RHPN2: variants seen among roughly 807,000 people sequenced by gnomAD.
RHPN2 encodes the protein rhophilin-2.
RHPN2 carries 40 observed loss-of-function variants against 79.0 expected under a neutral mutation model. That is an observed-to-expected ratio of 0.51 (90% confidence interval 0.39 to 0.66). The LOEUF (loss-of-function observed/expected upper bound fraction) is 0.66, where lower values mean the gene tolerates loss of function less well. RHPN2 is among the 30% of genes least tolerant of loss of function. The probability of loss-of-function intolerance (pLI) is 0.00; values close to 1 mark genes in which losing one functional copy is unlikely to be tolerated. For missense variants in RHPN2, 686 were observed against 883.5 expected (o/e 0.78, Z 2.83); for synonymous variants, 285 against 363.5 (o/e 0.78, Z 2.46).
intron 3 of RHPN2, among the ~76,000 whole-genome samples, chr19:33,022,065 C>G (rs1249420224): frequency 1.3e-5 from 2 of 152,120 alleles, no homozygotes; most frequent in East Asian, 3.8e-4. Flanking sequence ...CTCAGCCCCC[C>G]GAGTAACTGG....
At chr19:33,017,152 G>A (rs1971884491) in intron 4 of RHPN2, among the ~76,000 whole-genome samples, 2 of 152,134 alleles carry the variant, frequency 1.3e-5, no homozygotes, top group African/African-American at 2.4e-5. Context: ...GCTGAGGCGG[G>A]TGGATCATCT....
intron 6 of RHPN2, among the ~76,000 whole-genome samples, chr19:33,010,967 G>C (rs900535567): frequency 6.6e-6 from 1 of 152,128 alleles, no homozygotes; most frequent in Non-Finnish European, 1.5e-5. Context: ...ACAGGTGTGA[G>C]CCACTGTACC....
At chr19:33,061,125 G>C (rs1461912214) in intron 1 of RHPN2, among the ~76,000 whole-genome samples, 1 of 152,122 alleles carries the variant, frequency 6.6e-6, no homozygotes, top group Non-Finnish European at 1.5e-5. Context: ...CACACCCTGG[G>C]GGGGCCTACA....
intron 2 of RHPN2, among the ~76,000 whole-genome samples, chr19:33,042,945 G>A (rs1178107842): frequency 6.6e-6 from 1 of 152,074 alleles, no homozygotes; most frequent in African/African-American, 2.4e-5. Flanking sequence ...CGGGCACGGT[G>A]GCGGGCACCT....
At position 32,994,016 on chromosome 19, in the gene RHPN2, C is replaced by G; in HGVS notation, c.1458G>C (p.Gln486His). The part of the protein sequence containing the change: ...TEQEVDIILP[Q>H]FSKLTVTDFF... ...AGTCCGTGACTGTCAGCTTGGAGAA[C>G]TGGGGCAATATAATGTCAACCTCTT... is the stretch of plus-strand genomic sequence containing the variant. Residue 486 changes from glutamine (Q) to histidine (H), a missense_variant, in exon 12 of 15, where the codon CAG becomes CAC. Transcript: ENST00000254260. The G allele has an allele frequency of 1.2e-6, 2 of 1,613,440 alleles. No individual in the cohort carries two copies.
intron 3 of RHPN2, among the ~76,000 whole-genome samples, chr19:33,023,103 A>G (rs1292493747): frequency 1.3e-5 from 2 of 152,128 alleles, no homozygotes; most frequent in Non-Finnish European, 2.9e-5. Flanking sequence ...GACTGTAAAG[A>G]TCAACCATGC....
At chr19:32,983,629 CTT>C (rs558224234) in intron 14 of RHPN2, among the ~76,000 whole-genome samples, 565 of 126,838 alleles carry the variant, frequency 4.5e-3, no homozygotes, top group African/African-American at 9.5e-3. Context: ...TTTTAAAAGC[CTT>C]TTTTTTTTTT....
At chr19:33,052,377 G>A (rs1281400060) in intron 1 of RHPN2, among the ~76,000 whole-genome samples, 10 of 152,210 alleles carry the variant, frequency 6.6e-5, no homozygotes, top group East Asian at 3.8e-4. Flanking sequence ...AGGTTCAGGC[G>A]TAAAACTAAG....
At chr19:33,043,124 C>T (rs954892037) in intron 2 of RHPN2, among the ~76,000 whole-genome samples, 2 of 151,054 alleles carry the variant, frequency 1.3e-5, no homozygotes, top group Non-Finnish European at 2.9e-5. Flanking sequence ...TGCCTGTGGT[C>T]CCAGCTACTC....
chr19:33,002,944 G>A lies in RHPN2; in HGVS notation c.817C>T (p.Pro273Ser). The change falls in exon 8 of 15, where the codon CCT (proline) becomes TCT (serine). Residue 273 changes from proline (P) to serine (S), a missense_variant. Physicochemically the swap from Pro to Ser is moderately conservative, Grantham distance 74. Coordinates refer to ENST00000254260, the MANE Select transcript of RHPN2 (RefSeq NM_033103.5). ...FTHTPSYDMS[P>S]AMLSVLVKMM... is the part of the protein sequence containing the mutation. ...TTGACGAGCACGCTGAGCATGGCAG[G>A]GCTCATGTCGTAACTTGGAGTATGG... The A allele has an allele frequency of 2.5e-6, 4 of 1,613,930 alleles. No individual in the cohort carries two copies. The highest frequency in any genetic ancestry group is 3.4e-6 in the Non-Finnish European group (4 of 1,179,846).
chr19:32,997,851 C>T (rs1599811001), intron 10 of RHPN2, among the ~76,000 whole-genome samples: 2 of 152,174 alleles, frequency 1.3e-5, no homozygotes, highest in Non-Finnish European at 2.9e-5. Flanking sequence ...GAAAGAGCAG[C>T]AGGTGCGAGG....
Position 32,999,718 on chromosome 19 carries a change from C to T in RHPN2, c.1106-13G>A, listed in dbSNP as rs1422061629. The T allele has an allele frequency of 6.2e-7, 1 of 1,610,486 alleles. No homozygotes were observed. Among genetic ancestry groups the T allele is most frequent in the African/African-American group, 1.3e-5 (1 of 74,832 alleles). ...GTGCCTGGCTTCACTGCAAAGAGAACCACAGGTTAAATCCCCTCTCATGGA... is the reference window on the plus strand; with the variant it reads ...GTGCCTGGCTTCACTGCAAAGAGAATCACAGGTTAAATCCCCTCTCATGGA... On this transcript the variant is annotated splice_polypyrimidine_tract_variant and intron_variant, in intron 9 of 14. Coordinates refer to ENST00000254260, the MANE Select transcript of RHPN2 (RefSeq NM_033103.5).
At chr19:32,984,979 G>A (rs773000471) in intron 14 of RHPN2, among the ~76,000 whole-genome samples, 33 of 151,496 alleles carry the variant, frequency 2.2e-4, no homozygotes, top group South Asian at 4.2e-4. Context: ...AGTGGTGCAC[G>A]CCTATAGTCC....
intron 3 of RHPN2, among the ~76,000 whole-genome samples, chr19:33,024,416 G>A (rs180878683): frequency 1.3e-5 from 2 of 152,228 alleles, no homozygotes; most frequent in African/African-American, 4.8e-5. Flanking sequence ...CTGGGTGACA[G>A]AGAGAGACTC....
intron 1 of RHPN2, among the ~76,000 whole-genome samples, chr19:33,053,260 A>C (rs547565183): frequency 6.6e-6 from 1 of 152,004 alleles, no homozygotes; most frequent in African/African-American, 2.4e-5. Context: ...AAGTGTTAGG[A>C]TTACAGGTGT....
At chr19:33,062,079 T>C (rs1424942581) in intron 1 of RHPN2, among the ~76,000 whole-genome samples, 1 of 152,194 alleles carries the variant, frequency 6.6e-6, no homozygotes, top group African/African-American at 2.4e-5. Context: ...TGACTTAACA[T>C]GGAGTAGCAC....
chr19:33,034,624 T>A (rs113435219), intron 2 of RHPN2, among the ~76,000 whole-genome samples: 17,441 of 76,820 alleles, frequency 0.23, 1,543 homozygotes, highest in South Asian at 0.42. Flanking sequence ...AAAAAAAAAA[T>A]ACAAAAGTTA....
intron 10 of RHPN2, among the ~76,000 whole-genome samples, chr19:32,998,294 G>C (rs1401454872): frequency 2.0e-5 from 3 of 152,192 alleles, no homozygotes; most frequent in Admixed American, 1.3e-4. Context: ...CCAGATTTGA[G>C]ATATGTTTTC....
intron 14 of RHPN2, among the ~76,000 whole-genome samples, chr19:32,988,485 G>A (rs1450278942): frequency 1.3e-5 from 2 of 152,074 alleles, no homozygotes; most frequent in East Asian, 1.9e-4. Context: ...GCCAGTCTCC[G>A]GCAGCAGACG....
Sources: allele counts gnomAD v4.1 joint callset (sites outside exome capture counted in the v4.1 genomes callset), GRCh38; gene constraint gnomAD v4.1.1; transcripts MANE v1.5; gene names NCBI Gene and HGNC (gene_info 2026-07-23, HGNC 2026-07-21).